Variants in PCDHGA2 observed in about 807,000 individuals in gnomAD.
PCDHGA2 encodes the protein protocadherin gamma subfamily A, 2, also known as protocadherin gamma-A2.
In PCDHGA2, 40 loss-of-function variants were observed where a neutral mutation model predicts 59.2. The observed-to-expected ratio is 0.68, with a 90% CI of 0.52 to 0.88. The LOEUF is 0.88. Ranked by LOEUF, PCDHGA2 falls within the 40% of genes least tolerant of loss-of-function variation. The pLI is 0.00. For missense variants in PCDHGA2, 1,226 were observed against 1,204.0 expected (o/e 1.02, Z -0.27); for synonymous variants, 560 against 526.0 (o/e 1.06, Z -0.89).
At chr5:141,419,433 T>A (rs1333004780) in intron 1 of PCDHGA2, 6 of 1,613,246 alleles carry the variant, frequency 3.7e-6, no homozygotes, top group Non-Finnish European at 5.1e-6. Flanking sequence ...CACGAGCAGC[T>A]GCGCACCTTC....
chr5:141,440,464 G>A (rs2003094), intron 1 of PCDHGA2: 3,293 of 152,144 alleles, frequency 0.022, 52 homozygotes, highest in South Asian at 0.038. Context: ...ATGAACAAAC[G>A]GTAGTTGAAA....
In PCDHGA2 at chr5:141,350,654, G is replaced by A. The variant is rs777439506; in HGVS notation, c.2424+9259G>A. On this transcript the variant is annotated intron_variant, in intron 1 of 3. Transcript: ENST00000394576. ...TAATGACAATGCACCACGTTTCGTT[G>A]CAAAAGGCATTGACTTAGAAATTTG... The A allele has an allele frequency of 8.7e-6, 14 of 1,614,026 alleles. No individual in the cohort carries two copies. The South Asian group carries it at 1.4e-4, about 16-fold the overall frequency.
chr5:141,346,121 G>A (rs1379856364), intron 1 of PCDHGA2: 2 of 1,613,800 alleles, frequency 1.2e-6, no homozygotes, highest in Admixed American at 1.7e-5. Flanking sequence ...TGGTGGTGGC[G>A]GTGGCCGCGG....
At chr5:141,392,816 G>C (rs1442012424) in intron 1 of PCDHGA2, 3 of 1,587,594 alleles carry the variant, frequency 1.9e-6, no homozygotes, top group Admixed American at 3.6e-5. Context: ...AAACAACAAT[G>C]GCCGCTCCAC....
In PCDHGA2 at chr5:141,366,241, G is replaced by T. The variant is rs762618712; in HGVS notation, c.2424+24846G>T. On this transcript the variant is annotated intron_variant, in intron 1 of 3. Transcript: ENST00000394576. ...CGCGAGCCCTGCTGGACAGAGACGC[G>T]CTCAAGCAGAGCCTCGTGGTGGCCG... The T allele has an allele frequency of 4.3e-6, 7 of 1,613,748 alleles. No individual in the cohort carries two copies. The South Asian group carries it at 5.5e-5, about 13-fold the overall frequency.
chr5:141,402,850 T>C (rs1447900346), intron 1 of PCDHGA2: 7 of 1,417,624 alleles, frequency 4.9e-6, no homozygotes, highest in Non-Finnish European at 6.5e-6. Context: ...TCAGCCTCTT[T>C]CTTCTAAGGA....
chr5:141,376,545 A>T, intron 1 of PCDHGA2: 2 of 1,612,680 alleles, frequency 1.2e-6, no homozygotes, highest in Non-Finnish European at 8.5e-7. Flanking sequence ...GAGTAATCTG[A>T]TCTTCCCGCA....
intron 1 of PCDHGA2, chr5:141,383,550 C>A: frequency 6.2e-7 from 1 of 1,612,098 alleles, no homozygotes; most frequent in Non-Finnish European, 8.5e-7. Flanking sequence ...CCTCTGATGG[C>A]GGCGACCCGC....
At chr5:141,439,996 G>C (rs1156373511) in intron 1 of PCDHGA2, 1 of 153,262 alleles carries the variant, frequency 6.5e-6, no homozygotes, top group African/African-American at 2.4e-5. Flanking sequence ...GTTTGGTGGT[G>C]GGAAACCTTG....
At chr5:141,460,159 T>A (rs1313260289) in intron 1 of PCDHGA2, among the ~76,000 whole-genome samples, 3 of 152,260 alleles carry the variant, frequency 2.0e-5, no homozygotes, top group Non-Finnish European at 1.5e-5. Context: ...CTTTGTCACA[T>A]ACATATTTTG....
chr5:141,405,529 C>G, intron 1 of PCDHGA2: 1 of 654,350 alleles, frequency 1.5e-6, no homozygotes, highest in Middle Eastern at 4.2e-4. Flanking sequence ...AAGCGATTCT[C>G]CTGCCTCAGC....
At position 141,365,518 on chromosome 5, in the gene PCDHGA2, G is replaced by T. The variant is rs1763970946; in HGVS notation, c.2424+24123G>T. 5 of 1,613,870 alleles carry T rather than the reference G, an allele frequency of 3.1e-6. No individual in the cohort carries two copies. The Middle Eastern group carries it at 4.9e-4, about 160-fold the overall frequency. On this transcript the variant is annotated intron_variant, in intron 1 of 3. Transcript: ENST00000394576. The stretch of plus-strand genomic sequence containing the variant: ...GGAATTTGCCTTTTAAATTGGAGAA[G>T]TCAGTTGATAATTACTATCACCTAT...
intron 1 of PCDHGA2, chr5:141,413,902 G>A: frequency 1.9e-6 from 3 of 1,613,252 alleles, no homozygotes; most frequent in East Asian, 2.2e-5. Flanking sequence ...AAATGACAAC[G>A]CGCCGGTCTT....
At chr5:141,471,444 A>G (rs1366430114) in intron 1 of PCDHGA2, 1 of 152,150 alleles carries the variant, frequency 6.6e-6, no homozygotes, top group Non-Finnish European at 1.5e-5. Context: ...AATCTCATGT[A>G]CCTTTTGAAA....
At position 141,360,885 on chromosome 5, in the gene PCDHGA2, C is replaced by T. The variant is rs762942158; in HGVS notation, c.2424+19490C>T. 3 of 1,614,014 alleles carry T rather than the reference C, an allele frequency of 1.9e-6. No homozygotes were observed. The East Asian group carries it at 6.7e-5, about 36-fold the overall frequency. On this transcript the variant is annotated intron_variant, in intron 1 of 3. Coordinates refer to ENST00000394576, the MANE Select transcript of PCDHGA2 (RefSeq NM_018915.4). ...TCAGCCAGGACGTGTACAGGGTCACCCTGAGGGAGGACGTGCCGCCGGGCT... is the reference window on the plus strand; with the variant it reads ...TCAGCCAGGACGTGTACAGGGTCACTCTGAGGGAGGACGTGCCGCCGGGCT...
intron 1 of PCDHGA2, chr5:141,375,951 C>G (rs767101939): frequency 1.2e-6 from 2 of 1,613,526 alleles, no homozygotes; most frequent in Admixed American, 3.3e-5. Context: ...GGCCTGCACA[C>G]GGGCGAGGTG....
At chr5:141,483,745 T>C (rs1288301129) in intron 1 of PCDHGA2, among the ~76,000 whole-genome samples, 1 of 152,130 alleles carries the variant, frequency 6.6e-6, no homozygotes, top group Non-Finnish European at 1.5e-5. Flanking sequence ...AGGATATTCC[T>C]GAGGATCGAG....
intron 1 of PCDHGA2, chr5:141,422,614 C>T (rs1207238896): frequency 6.2e-7 from 1 of 1,613,812 alleles, no homozygotes; most frequent in South Asian, 1.1e-5. Flanking sequence ...TGCCTACATT[C>T]CCGAAAACAA....
chr5:141,491,168 A>G lies in PCDHGA2; in HGVS notation c.2425-3639A>G. On this transcript the variant is annotated intron_variant, in intron 1 of 3. Coordinates refer to ENST00000394576, the MANE Select transcript of PCDHGA2 (RefSeq NM_018915.4). The surrounding 1 kb of genome is among the most constrained non-coding windows in gnomAD (Gnocchi z 6.9). Reference sequence around the variant, plus strand: ...CTGGAGGATGACTCTGACACCCAGCAGGTGGTGGTCCTGGTGAGGGACAAT... The same window carrying G: ...CTGGAGGATGACTCTGACACCCAGCGGGTGGTGGTCCTGGTGAGGGACAAT... 2 of 1,614,160 alleles carry G rather than the reference A, an allele frequency of 1.2e-6. No homozygotes were observed.
Sources: gnomAD v4.1 joint callset for allele counts (sites outside exome capture counted in the v4.1 genomes callset) on GRCh38, gnomAD v4.1.1 for gene constraint, Gnocchi (gnomAD v3.1) non-coding constraint, MANE v1.5 for transcripts, NCBI Gene and HGNC (gene_info 2026-07-23, HGNC 2026-07-21) for gene names.